Variants in B3GAT2 observed in about 807,000 individuals in gnomAD.
The protein encoded by B3GAT2 is beta-1,3-glucuronyltransferase 2.
B3GAT2 carries 26 observed loss-of-function variants against 27.8 expected under a neutral mutation model. The ratio of observed to expected loss-of-function variants is 0.93; its 90% CI spans 0.68 to 1.30. The LOEUF is 1.30. Among genes scored for constraint, B3GAT2 ranks in the 50% most tolerant of loss-of-function variants. B3GAT2 has a pLI of 0.00. For missense variants in B3GAT2, 458 were observed against 459.0 expected, an observed-to-expected ratio of 1.00 and a Z score of 0.02; for synonymous variants, 218 against 195.1, an observed-to-expected ratio of 1.12 and a Z score of -0.98.
intron 2 of B3GAT2, among the ~76,000 whole-genome samples, chr6:70,876,947 G>A (rs1180638101): frequency 1.3e-5 from 2 of 152,180 alleles, no homozygotes; most frequent in African/African-American, 2.4e-5. Flanking sequence ...ATCTGAGAGG[G>A]ACTTTGAAGC....
intron 1 of B3GAT2, among the ~76,000 whole-genome samples, chr6:70,939,092 C>T (rs537507588): frequency 2.0e-5 from 3 of 152,132 alleles, no homozygotes; most frequent in East Asian, 1.9e-4. Flanking sequence ...GGGCGAAGGA[C>T]ATGAATAGAC....
At chr6:70,895,495 A>ATT (rs59066944) in intron 1 of B3GAT2, among the ~76,000 whole-genome samples, 19,322 of 76,704 alleles carry the variant, frequency 0.25, 4,097 homozygotes, top group East Asian at 0.33. Context: ...CAAAAAGGGG[A>ATT]TTTTTTTTTT....
intron 1 of B3GAT2, among the ~76,000 whole-genome samples, chr6:70,916,566 T>G (rs1307959806): frequency 6.6e-6 from 1 of 152,228 alleles, no homozygotes; most frequent in Non-Finnish European, 1.5e-5. Context: ...TTGAGATACA[T>G]TCTATCAATA....
Position 70,858,443 on chromosome 6 carries a change from C to A in B3GAT2, c.*3220G>T. ...GTTATTATCGCTATTTTAGAGTATT[C>A]TGTAAAAAAAAGGTTAAACATCTTT... is the stretch of plus-strand genomic sequence containing the variant. On this transcript the variant is annotated 3_prime_UTR_variant, in exon 4 of 4. Transcript: ENST00000230053. 2.3e-6 allele frequency: 1 copy of A among 435,810 alleles called. No homozygotes were observed. Among genetic ancestry groups the A allele is most frequent in the Non-Finnish European group, 3.9e-6 (1 of 255,118 alleles). 27.0% of individuals were successfully genotyped at this position (435,810 alleles called of 1,614,324 possible). A position where few individuals can be genotyped will look rare whatever the true frequency, so the allele number is the denominator to read the frequency against.
intron 1 of B3GAT2, among the ~76,000 whole-genome samples, chr6:70,909,789 T>C (rs1051458411): frequency 6.6e-6 from 1 of 152,220 alleles, no homozygotes; most frequent in Non-Finnish European, 1.5e-5. Context: ...ATTCAGATCT[T>C]TGCTTTGTTT....
intron 1 of B3GAT2, among the ~76,000 whole-genome samples, chr6:70,895,025 T>C (rs1334538830): frequency 6.6e-6 from 1 of 152,124 alleles, no homozygotes; most frequent in Admixed American, 6.5e-5. Flanking sequence ...TACCACCACC[T>C]TTTTCCAGGG....
chr6:70,942,479 G>A (rs1765410794), intron 1 of B3GAT2, among the ~76,000 whole-genome samples: 1 of 151,990 alleles, frequency 6.6e-6, no homozygotes, highest in Non-Finnish European at 1.5e-5. Flanking sequence ...CACCCACTAG[G>A]CCCTGTTGTT....
intron 1 of B3GAT2, among the ~76,000 whole-genome samples, chr6:70,945,830 GGGTT>G (rs1474753311): frequency 6.6e-6 from 1 of 151,326 alleles, no homozygotes; most frequent in East Asian, 1.9e-4. Context: ...GAGAAAGGTC[GGGTT>G]ACCCACAAAG....
chr6:70,874,906 G>C (rs564296623), intron 2 of B3GAT2, among the ~76,000 whole-genome samples: 2 of 151,938 alleles, frequency 1.3e-5, no homozygotes, highest in Non-Finnish European at 2.9e-5. Flanking sequence ...CAGGGCTGTT[G>C]GTTTTCAAAG....
At chr6:70,917,409 C>T (rs913565148) in intron 1 of B3GAT2, among the ~76,000 whole-genome samples, 4 of 151,080 alleles carry the variant, frequency 2.6e-5, no homozygotes, top group African/African-American at 9.7e-5. Context: ...TTTAGTTCTG[C>T]TCTGATTTAT....
chr6:70,879,572 T>C (rs925703201), intron 2 of B3GAT2, among the ~76,000 whole-genome samples: 2 of 152,188 alleles, frequency 1.3e-5, no homozygotes, highest in Non-Finnish European at 2.9e-5. Flanking sequence ...GCAAAATCAG[T>C]CATGATCTGC....
rs774339479 is a variant in B3GAT2, at chr6:70,861,966, C to CTT, written c.747_748dup (p.Ser250LysfsTer32). On this transcript the variant is annotated frameshift_variant, in exon 3 of 4. Coordinates refer to ENST00000230053, the MANE Select transcript of B3GAT2 (RefSeq NM_080742.3). LOFTEE classifies it high-confidence loss of function. The stretch of plus-strand genomic sequence containing the variant: ...TGGATTGGACAAAATGACTTGAAGA[C>CTT]TTACAGCAAATCCTTTGTGAAAAAT... 3.1e-6 allele frequency: 5 copies of CTT among 1,608,416 alleles called. No homozygotes were observed. Among genetic ancestry groups the CTT allele is most frequent in the Non-Finnish European group, 4.2e-6 (5 of 1,176,540 alleles).
chr6:70,860,913 G>A lies in B3GAT2; in HGVS notation c.*750C>T, dbSNP rs192182968. 207 of 384,248 alleles carry A rather than the reference G, an allele frequency of 5.4e-4. No individual in the cohort carries two copies. Among genetic ancestry groups the A allele is most frequent in the African/African-American group, 3.7e-3 (179 of 48,432 alleles). The allele number at this position is 384,248 out of a possible 1,614,324, so 23.8% of individuals were successfully genotyped here. A position where few individuals can be genotyped will look rare whatever the true frequency, so the allele number is the denominator to read the frequency against. ...AACGTGGATGTTACTCCAAAACTTC[G>A]TTTAATGAATGCTTAAAGAATTCAA... is the stretch of plus-strand genomic sequence containing the variant. On this transcript the variant is annotated 3_prime_UTR_variant, in exon 4 of 4. Coordinates refer to ENST00000230053, the MANE Select transcript of B3GAT2 (RefSeq NM_080742.3).
chr6:70,897,520 C>G, intron 1 of B3GAT2, among the ~76,000 whole-genome samples: 1 of 151,822 alleles, frequency 6.6e-6, no homozygotes. Flanking sequence ...GGGCGGATCA[C>G]TTGAGGTCAG....
intron 1 of B3GAT2, among the ~76,000 whole-genome samples, chr6:70,912,548 T>G (rs1182462071): frequency 2.6e-5 from 4 of 152,144 alleles, no homozygotes; most frequent in Non-Finnish European, 5.9e-5. Flanking sequence ...TTATTGAGAA[T>G]TTTTGCATCT....
At chr6:70,937,712 C>T (rs1027683191) in intron 1 of B3GAT2, among the ~76,000 whole-genome samples, 16 of 151,970 alleles carry the variant, frequency 1.1e-4, no homozygotes, top group African/African-American at 2.4e-4. Flanking sequence ...ACGCTTCATG[C>T]TAAAAACTCT....
At position 70,894,236 on chromosome 6, in the gene B3GAT2, C is replaced by T. The variant is rs1345724311; in HGVS notation, c.628G>A (p.Gly210Ser). The change falls in exon 2 of 4, where the codon GGC becomes AGC. Residue 210 changes from glycine (G) to serine (S), a missense_variant. By Grantham distance (56) the Gly-to-Ser change is moderately conservative. Coordinates refer to ENST00000230053, the MANE Select transcript of B3GAT2 (RefSeq NM_080742.3). ...TCGTAGCGCCGCCCACCAACCAGGC[C>T]CACAGGCCAGACGGAGACCTTGCGG... ...TTRKVSVWPVGLVGGRRYERP... is the reference protein window; with the variant it reads ...TTRKVSVWPVSLVGGRRYERP... 1 of 1,612,482 alleles carries T rather than the reference C, an allele frequency of 6.2e-7. No individual in the cohort carries two copies. Among genetic ancestry groups the T allele is most frequent in the African/African-American group, 1.3e-5 (1 of 74,840 alleles).
chr6:70,951,505 G>A (rs1167087475), intron 1 of B3GAT2, among the ~76,000 whole-genome samples: 1 of 152,130 alleles, frequency 6.6e-6, no homozygotes, highest in East Asian at 1.9e-4. Context: ...TCACGAGACA[G>A]AATCATCAGT....
At chr6:70,921,850 T>C (rs1268264080) in intron 1 of B3GAT2, among the ~76,000 whole-genome samples, 2 of 152,174 alleles carry the variant, frequency 1.3e-5, no homozygotes, top group Non-Finnish European at 2.9e-5. Flanking sequence ...TCTGAATGCT[T>C]TCAGGGCACC....
Sources: gnomAD v4.1 joint callset for allele counts (sites outside exome capture counted in the v4.1 genomes callset) on GRCh38, gnomAD v4.1.1 for gene constraint, MANE v1.5 for transcripts, NCBI Gene and HGNC (gene_info 2026-07-23, HGNC 2026-07-21) for gene names.